The following ADAMTS17 variants were observed in gnomAD, a reference collection of about 807,000 sequenced individuals.
ADAMTS17 encodes ADAM metallopeptidase with thrombospondin type 1 motif 17.
A neutral mutation model predicts 141.5 loss-of-function variants in ADAMTS17; 113 were observed. That is an observed-to-expected ratio of 0.80 (90% CI 0.69 to 0.93). ADAMTS17 has a LOEUF of 0.93. ADAMTS17 is among the 40% of genes least tolerant of loss of function. The pLI is 0.00. For missense variants in ADAMTS17, 1,659 were observed against 1,517.9 expected (o/e 1.09, Z -1.54); for synonymous variants, 768 against 630.6 (o/e 1.22, Z -3.27).
chr15:100,134,782 G>A (rs528917835), intron 10 of ADAMTS17, among the ~76,000 whole-genome samples: 1 of 152,288 alleles, frequency 6.6e-6, no homozygotes, highest in Admixed American at 6.5e-5. Context: ...ACGTATGTCG[G>A]AGCTGATCTG....
chr15:100,066,817 A>G (rs1337271065), intron 15 of ADAMTS17, among the ~76,000 whole-genome samples: 2 of 123,220 alleles, frequency 1.6e-5, no homozygotes, highest in Non-Finnish European at 3.5e-5. Flanking sequence ...TTGAGAGGGC[A>G]GCCATCATTC....
chr15:100,156,909 T>TTTTCACACTGCTATAAAGTG (rs2039463116), intron 8 of ADAMTS17, among the ~76,000 whole-genome samples: 1 of 152,218 alleles, frequency 6.6e-6, no homozygotes, highest in Non-Finnish European at 1.5e-5. Flanking sequence ...TATTAGTCCA[T>TTTTCACACTGCTATAAAGTG]TTTCACACTG....
intron 7 of ADAMTS17, among the ~76,000 whole-genome samples, chr15:100,244,447 G>C (rs973023904): frequency 6.6e-6 from 1 of 151,428 alleles, no homozygotes; most frequent in African/African-American, 2.4e-5. Flanking sequence ...ATCTCATCTA[G>C]CTCCAATAAT....
chr15:100,132,648 C>A (rs1294891959), intron 11 of ADAMTS17, among the ~76,000 whole-genome samples: 1 of 152,156 alleles, frequency 6.6e-6, no homozygotes, highest in East Asian at 1.9e-4. Context: ...CAGCACATAC[C>A]CTGAGGTGCT....
chr15:100,213,670 G>C (rs1233630199), intron 7 of ADAMTS17, among the ~76,000 whole-genome samples: 1 of 152,248 alleles, frequency 6.6e-6, no homozygotes, highest in Non-Finnish European at 1.5e-5. Context: ...CAAAGCAAAA[G>C]CCTGCCTAGA....
At position 99,993,041 on chromosome 15, in the gene ADAMTS17, C is replaced by T. The variant is rs748352141; in HGVS notation, c.2949+7G>A. 1.2e-6 allele frequency: 2 copies of T among 1,614,100 alleles called. No individual in the cohort carries two copies. Among genetic ancestry groups the T allele is most frequent in the South Asian group, 2.2e-5 (2 of 91,078 alleles). On this transcript the variant is annotated splice_region_variant and intron_variant, in intron 20 of 21. Coordinates refer to ENST00000268070, the MANE Select transcript of ADAMTS17 (RefSeq NM_139057.4). This position sits in a 1 kb window ranked among gnomAD's most constrained non-coding sequence, Gnocchi z 4.3. ...CACGGAGAGAAATGCCAGCAGGCTG[C>T]TCTCACCGTAGACCAGTCCCCAGTT...
chr15:99,991,507 A>G (rs557103202), intron 20 of ADAMTS17, among the ~76,000 whole-genome samples: 60 of 152,370 alleles, frequency 3.9e-4, no homozygotes, highest in African/African-American at 1.4e-3. Context: ...TGATCATTAA[A>G]AAGTCAGGAA....
Position 100,054,853 on chromosome 15 carries a change from TG to T in ADAMTS17, c.2138-800del, listed in dbSNP as rs1262762445. On this transcript the variant is annotated intron_variant, in intron 15 of 21. Coordinates refer to ENST00000268070, the MANE Select transcript of ADAMTS17 (RefSeq NM_139057.4). Reference sequence around the variant, plus strand: ...TGCTGACGGGCCATAAGCAGAAACTTGGTTTTCCACACAAGCCATGTATTTA... The same window carrying T: ...TGCTGACGGGCCATAAGCAGAAACTTGTTTTCCACACAAGCCATGTATTTA... Among the ~76,000 whole-genome samples, 7 of 152,298 alleles carry T rather than the reference TG, an allele frequency of 4.6e-5. No homozygotes were observed. In the East Asian group the frequency reaches 1.3e-3, roughly 29 times the overall value.
intron 18 of ADAMTS17, among the ~76,000 whole-genome samples, chr15:100,037,648 A>T (rs1003218938): frequency 6.6e-6 from 1 of 151,976 alleles, no homozygotes; most frequent in African/African-American, 2.4e-5. Flanking sequence ...AGCTCAGGAG[A>T]TCCGTCTGCC....
At chr15:100,098,527 G>A (rs922594659) in intron 14 of ADAMTS17, among the ~76,000 whole-genome samples, 3 of 151,976 alleles carry the variant, frequency 2.0e-5, no homozygotes, top group Non-Finnish European at 2.9e-5. Flanking sequence ...CGCACCTATG[G>A]TGACACGCAC....
At chr15:100,326,856 G>T (rs1173972087) in intron 3 of ADAMTS17, among the ~76,000 whole-genome samples, 1 of 152,212 alleles carries the variant, frequency 6.6e-6, no homozygotes, top group Non-Finnish European at 1.5e-5. Context: ...CCTAAGCGGA[G>T]CCAGGTGAGG....
chr15:100,246,993 C>T (rs1434170010), intron 7 of ADAMTS17, among the ~76,000 whole-genome samples: 1 of 152,142 alleles, frequency 6.6e-6, no homozygotes, highest in Non-Finnish European at 1.5e-5. Context: ...AAGCGATTCT[C>T]CTGCCTCAGC....
In ADAMTS17 at chr15:100,183,764, T is replaced by C. The variant is rs913480148; in HGVS notation, c.1181+15554A>G. ...TTAAATATGCTATTGCAGCAAGCCA[T>C]CACACTGTTTAGGTTTGCCAGGTAG... On this transcript the variant is annotated intron_variant, in intron 8 of 21. Coordinates refer to ENST00000268070, the MANE Select transcript of ADAMTS17 (RefSeq NM_139057.4). 2.7e-4 allele frequency among the ~76,000 whole-genome samples: 41 copies of C among 152,226 alleles called. 2 individuals are homozygous for C. Among genetic ancestry groups the C allele is most frequent in the Admixed American group, 2.0e-4 (3 of 15,284 alleles).
Position 100,319,480 on chromosome 15 carries a change from G to A in ADAMTS17, c.616+11409C>T, listed in dbSNP as rs1008519409. Among the ~76,000 whole-genome samples the A allele has an allele frequency of 1.5e-4, 23 of 152,198 alleles. 1 individual carries two copies. The highest frequency in any genetic ancestry group is 4.6e-4 in the African/African-American group (19 of 41,448). ...AATCCCAGCACTTAGGGAGGCCGAC[G>A]CAAGCAGATCTCAAGGTCAGGAGTT... On this transcript the variant is annotated intron_variant, in intron 3 of 21. Coordinates refer to ENST00000268070, the MANE Select transcript of ADAMTS17 (RefSeq NM_139057.4).
chr15:100,054,143 G>T, intron 15 of ADAMTS17, 89 bp from the exon 16 acceptor site: 1 of 1,478,984 alleles, frequency 6.8e-7, no homozygotes, highest in Non-Finnish European at 9.4e-7. Flanking sequence ...GCCCCTGAGT[G>T]GGGCAGAGGT....
intron 14 of ADAMTS17, among the ~76,000 whole-genome samples, chr15:100,108,113 C>G (rs1596453479): frequency 6.6e-6 from 1 of 152,130 alleles, no homozygotes; most frequent in Admixed American, 6.5e-5. Flanking sequence ...ACAGGTGGCC[C>G]TCAGCTTGGG....
intron 3 of ADAMTS17, among the ~76,000 whole-genome samples, chr15:100,282,580 G>T (rs930620200): frequency 6.6e-6 from 1 of 152,130 alleles, no homozygotes; most frequent in Admixed American, 6.5e-5. Context: ...TCTCAAAATC[G>T]CTCATTGTAC....
intron 18 of ADAMTS17, among the ~76,000 whole-genome samples, chr15:100,009,983 C>T (rs2061128063): frequency 6.6e-6 from 1 of 152,104 alleles, no homozygotes; most frequent in Admixed American, 6.6e-5. Flanking sequence ...GTGGGAGGGA[C>T]CTGGTGGGAG....
At position 100,304,422 on chromosome 15, in the gene ADAMTS17, T is replaced by C. The variant is rs4410054; in HGVS notation, c.617-23021A>G. 3.3e-3 allele frequency among the ~76,000 whole-genome samples: 505 copies of C among 152,342 alleles called. 2 individuals carry two copies. Among genetic ancestry groups the C allele is most frequent in the African/African-American group, 0.011 (474 of 41,574 alleles). On this transcript the variant is annotated intron_variant, in intron 3 of 21. Transcript: ENST00000268070. ...TTGCCAGAATAAATCTGTGAGTCCA[T>C]GTAAATTCATTCTGACTACAACACA...
Sources: allele counts gnomAD v4.1 joint callset (sites outside exome capture counted in the v4.1 genomes callset), GRCh38; gene constraint gnomAD v4.1.1; non-coding constraint Gnocchi (gnomAD v3.1); transcripts MANE v1.5; gene names NCBI Gene and HGNC (gene_info 2026-07-23, HGNC 2026-07-21).